RASGRF2: variants seen among roughly 807,000 people sequenced by gnomAD.
RASGRF2 encodes the protein ras-specific guanine nucleotide-releasing factor 2.
Under a neutral mutation model 151.0 loss-of-function variants are expected in RASGRF2, and 76 were observed. The ratio of observed to expected loss-of-function variants is 0.50; its 90% CI spans 0.42 to 0.61. The LOEUF (loss-of-function observed/expected upper bound fraction) is 0.61, where lower values mean the gene tolerates loss of function less well. RASGRF2 is among the 20% of genes least tolerant of loss of function. The pLI, the probability that RASGRF2 is intolerant of heterozygous loss-of-function variation, is 0.00. For synonymous variants in RASGRF2, 504 were observed against 566.5 expected, an observed-to-expected ratio of 0.89 and a Z score of 1.57; for missense variants, 1,148 against 1,564.6, an observed-to-expected ratio of 0.73 and a Z score of 4.49.
At chr5:81,032,845 G>A (rs929563586) in intron 1 of RASGRF2, among the ~76,000 whole-genome samples, 6 of 152,152 alleles carry the variant, frequency 3.9e-5, no homozygotes, top group Non-Finnish European at 8.8e-5. Flanking sequence ...TAGGAAAAGA[G>A]GAAGTCAAAT....
chr5:81,066,055 C>A (rs555756269), intron 2 of RASGRF2, among the ~76,000 whole-genome samples: 2 of 152,144 alleles, frequency 1.3e-5, no homozygotes, highest in African/African-American at 2.4e-5. Flanking sequence ...CTACCTAACA[C>A]TGATGTAATA....
intron 23 of RASGRF2, among the ~76,000 whole-genome samples, chr5:81,214,750 C>G (rs1042610572): frequency 6.6e-6 from 1 of 152,228 alleles, no homozygotes; most frequent in East Asian, 1.9e-4. Flanking sequence ...CCCAGCCACG[C>G]TGCCTGGATG....
rs918556319 is a variant in RASGRF2 at position 81,080,543 on chromosome 5, A to G, written c.968-53A>G. On this transcript the variant is annotated intron_variant, in intron 6 of 26. Coordinates refer to ENST00000265080, the MANE Select transcript of RASGRF2 (RefSeq NM_006909.3). Reference sequence around the variant, plus strand: ...ACTCTTTGCCATTCCTGCCCAGTGTAGGTAATTTACCAAGCAACAAGGGAA... The same window carrying G: ...ACTCTTTGCCATTCCTGCCCAGTGTGGGTAATTTACCAAGCAACAAGGGAA... 18 of 1,522,830 alleles carry G rather than the reference A, an allele frequency of 1.2e-5. No homozygotes were observed. The African/African-American group carries it at 2.5e-4, about 21-fold the overall frequency. 94.3% of individuals were successfully genotyped at this position (1,522,830 alleles called of 1,614,324 possible). A position where few individuals can be genotyped will look rare whatever the true frequency, so the allele number is the denominator to read the frequency against.
At chr5:80,995,786 G>A (rs922757752) in intron 1 of RASGRF2, among the ~76,000 whole-genome samples, 2 of 140,874 alleles carry the variant, frequency 1.4e-5, no homozygotes, top group East Asian at 2.2e-4. Context: ...TGCGCCTCCC[G>A]GGTTCAAGCG....
chr5:80,987,358 T>G (rs2112252797), intron 1 of RASGRF2, among the ~76,000 whole-genome samples: 1 of 152,328 alleles, frequency 6.6e-6, no homozygotes, highest in East Asian at 1.9e-4. Flanking sequence ...TACCCTAGGC[T>G]AAGCATTCGG....
chr5:81,140,411 AACACACACACAC>A lies in RASGRF2; in HGVS notation c.2686+13262_2686+13273del, dbSNP rs138439687. On this transcript the variant is annotated intron_variant, in intron 17 of 26. Coordinates refer to ENST00000265080, the MANE Select transcript of RASGRF2 (RefSeq NM_006909.3). ...ACAATGGTCCCAAGTCCTATTTTTAAACACACACACACACACACACACACAGACACACACATG... is the reference window on the plus strand; with the variant it reads ...ACAATGGTCCCAAGTCCTATTTTTAAACACACACACACAGACACACACATG... Among the ~76,000 whole-genome samples, 175 of 148,522 alleles carry A rather than the reference AACACACACACAC, an allele frequency of 1.2e-3. 2 individuals carry two copies. Among genetic ancestry groups the A allele is most frequent in the African/African-American group, 4.1e-3 (167 of 40,748 alleles).
intron 2 of RASGRF2, among the ~76,000 whole-genome samples, chr5:81,048,923 T>G (rs2112408314): frequency 6.6e-6 from 1 of 152,274 alleles, no homozygotes; most frequent in South Asian, 2.1e-4. Context: ...AGCTACTGTC[T>G]TCTCTTGCAC....
chr5:81,205,152 C>A lies in RASGRF2; in HGVS notation c.2907-1693C>A, dbSNP rs188079174. Among the ~76,000 whole-genome samples the A allele has an allele frequency of 3.5e-4, 53 of 152,288 alleles. No homozygotes were observed. The East Asian group carries it at 9.1e-3, about 26-fold the overall frequency. ...GCCCTTTAAGATAAAATGACTATTT[C>A]TTTCTACTCACAAATAATATGGCTA... On this transcript the variant is annotated intron_variant, in intron 19 of 26. Coordinates refer to ENST00000265080, the MANE Select transcript of RASGRF2 (RefSeq NM_006909.3).
At chr5:81,136,362 G>C (rs1753754538) in intron 17 of RASGRF2, among the ~76,000 whole-genome samples, 1 of 152,150 alleles carries the variant, frequency 6.6e-6, no homozygotes, top group Non-Finnish European at 1.5e-5. Flanking sequence ...TTATTTGCCT[G>C]AGAAAGTCTT....
intron 5 of RASGRF2, among the ~76,000 whole-genome samples, chr5:81,078,910 C>A (rs1580288691): frequency 6.6e-6 from 1 of 152,132 alleles, no homozygotes; most frequent in East Asian, 1.9e-4. Flanking sequence ...TAGACTAGAT[C>A]CAGAGGTTAG....
At chr5:81,161,948 G>A (rs1754394581) in intron 17 of RASGRF2, among the ~76,000 whole-genome samples, 2 of 150,168 alleles carry the variant, frequency 1.3e-5, no homozygotes, top group Non-Finnish European at 3.0e-5. Flanking sequence ...ATGATCCCTT[G>A]TAGTAATTGG....
chr5:81,034,601 A>G (rs1198919133), intron 1 of RASGRF2, among the ~76,000 whole-genome samples: 4 of 151,746 alleles, frequency 2.6e-5, no homozygotes, highest in Non-Finnish European at 5.9e-5. Flanking sequence ...CATATACACC[A>G]TGGAATACTA....
intron 1 of RASGRF2, among the ~76,000 whole-genome samples, chr5:80,969,193 C>T (rs1446799306): frequency 6.9e-6 from 1 of 144,402 alleles, no homozygotes; most frequent in Non-Finnish European, 1.5e-5. Context: ...TGCAGTGGCG[C>T]CATCTCAGCT....
chr5:80,992,019 C>T (rs1046638748), intron 1 of RASGRF2, among the ~76,000 whole-genome samples: 6 of 152,136 alleles, frequency 3.9e-5, no homozygotes, highest in African/African-American at 7.2e-5. Flanking sequence ...ATAATGCATA[C>T]GGGCTTCATA....
rs1220982065 is a variant in RASGRF2, at chr5:81,228,200, G to A, written c.*2430G>A. 6.6e-6 allele frequency: 1 copy of A among 152,228 alleles called. No individual in the cohort carries two copies. The highest frequency in any genetic ancestry group is 2.1e-4 in the South Asian group (1 of 4,830). 9.4% of individuals were successfully genotyped at this position (152,228 alleles called of 1,614,324 possible). On this transcript the variant is annotated 3_prime_UTR_variant, in exon 27 of 27. Coordinates refer to ENST00000265080, the MANE Select transcript of RASGRF2 (RefSeq NM_006909.3). ...CTCTCAAGCAGCTGGGACTGCAGGG[G>A]TGTGCCACTCACTAGCCTTTCGCAT...
chr5:81,040,149 A>G (rs1056660412), intron 1 of RASGRF2, among the ~76,000 whole-genome samples: 2 of 151,934 alleles, frequency 1.3e-5, no homozygotes, highest in African/African-American at 4.8e-5. Context: ...GACTATAGGC[A>G]TATGCCACCA....
chr5:81,201,836 G>A (rs539443980), intron 19 of RASGRF2, among the ~76,000 whole-genome samples: 80 of 152,188 alleles, frequency 5.3e-4, no homozygotes, highest in Non-Finnish European at 1.0e-3. Flanking sequence ...TGTGTCTGTG[G>A]GAGTCTCGTG....
intron 13 of RASGRF2, among the ~76,000 whole-genome samples, chr5:81,111,374 T>C (rs939984961): frequency 4.6e-5 from 7 of 152,102 alleles, no homozygotes; most frequent in African/African-American, 1.7e-4. Flanking sequence ...GGTCTGAAGG[T>C]GAGGGGTTCG....
At chr5:81,011,227 CTA>C (rs963506109) in intron 1 of RASGRF2, among the ~76,000 whole-genome samples, 6 of 142,212 alleles carry the variant, frequency 4.2e-5, no homozygotes, top group East Asian at 2.0e-4. Context: ...CTCTAGCTTA[CTA>C]TTTTTTTTTA....
Sources: gnomAD v4.1 joint callset for allele counts (sites outside exome capture counted in the v4.1 genomes callset) on GRCh38, gnomAD v4.1.1 for gene constraint, MANE v1.5 for transcripts, NCBI Gene and HGNC (gene_info 2026-07-23, HGNC 2026-07-21) for gene names.